COL24A1: variants seen among roughly 807,000 people sequenced by gnomAD.
The protein encoded by COL24A1 is collagen type XXIV alpha 1 chain, also known as collagen alpha-1(XXIV) chain.
In COL24A1, 224 loss-of-function variants were observed where a neutral mutation model predicts 253.9. The observed-to-expected ratio is 0.88, with a 90% CI of 0.79 to 0.99. The LOEUF (loss-of-function observed/expected upper bound fraction) is 0.99, where lower values mean the gene tolerates loss of function less well. Among genes scored for constraint, COL24A1 ranks in the 50% least tolerant of loss-of-function variants. The pLI is 0.00. For synonymous variants in COL24A1, 685 were observed against 673.7 expected, an observed-to-expected ratio of 1.02 and a Z score of -0.26; for missense variants, 2,131 against 2,068.5, an observed-to-expected ratio of 1.03 and a Z score of -0.59.
intron 19 of COL24A1, among the ~76,000 whole-genome samples, chr1:85,997,400 C>T (rs548950093): frequency 1.2e-4 from 19 of 152,196 alleles, no homozygotes; most frequent in African/African-American, 4.3e-4. Flanking sequence ...CATGTACTCT[C>T]GTCCCCATCC....
At chr1:86,085,292 T>TA (rs1295870182) in intron 7 of COL24A1, among the ~76,000 whole-genome samples, 8 of 152,170 alleles carry the variant, frequency 5.3e-5, no homozygotes, top group Non-Finnish European at 5.9e-5. Flanking sequence ...AAGATTCTTT[T>TA]AAAAAATAAT....
intron 22 of COL24A1, among the ~76,000 whole-genome samples, 156 bp from the exon 23 acceptor site, chr1:85,965,218 A>G (rs1691447107): frequency 6.6e-6 from 1 of 152,096 alleles, no homozygotes; most frequent in African/African-American, 2.4e-5. Context: ...TTTGCCATTC[A>G]TTCTACAAAT....
At chr1:86,039,435 A>G (rs1699289230) in intron 12 of COL24A1, among the ~76,000 whole-genome samples, 1 of 152,200 alleles carries the variant, frequency 6.6e-6, no homozygotes, top group African/African-American at 2.4e-5. Flanking sequence ...ATGTATATAA[A>G]ATAACTAGGA....
chr1:86,136,079 C>T (rs940519090), intron 2 of COL24A1, among the ~76,000 whole-genome samples: 24 of 152,072 alleles, frequency 1.6e-4, no homozygotes, highest in East Asian at 1.9e-4. Flanking sequence ...CTGCAGCCAG[C>T]TCTATATACA....
At chr1:86,116,917 C>T (rs1007280690) in intron 3 of COL24A1, among the ~76,000 whole-genome samples, 1 of 106,984 alleles carries the variant, frequency 9.3e-6, no homozygotes, top group Non-Finnish European at 2.0e-5. Flanking sequence ...ATATCACTAG[C>T]TTCCATCAAA....
At chr1:85,756,218 G>A (rs574377458) in intron 55 of COL24A1, among the ~76,000 whole-genome samples, 10 of 152,144 alleles carry the variant, frequency 6.6e-5, no homozygotes, top group Admixed American at 3.9e-4. Flanking sequence ...TCAGGAGTTC[G>A]AGACCAGCCT....
intron 19 of COL24A1, among the ~76,000 whole-genome samples, chr1:85,992,175 T>G (rs1694350031): frequency 6.6e-6 from 1 of 152,024 alleles, no homozygotes; most frequent in Non-Finnish European, 1.5e-5. Context: ...ATGCGGTGTT[T>G]GGTTTTTCGT....
chr1:85,885,799 A>G (rs1682427140), intron 32 of COL24A1, among the ~76,000 whole-genome samples: 1 of 152,168 alleles, frequency 6.6e-6, no homozygotes, highest in Non-Finnish European at 1.5e-5. Flanking sequence ...ATGTCTTTTC[A>G]GAAGTATTTT....
At chr1:85,745,380 TTC>T (rs1665102174) in intron 56 of COL24A1, 59 bp downstream of exon 56, 3 of 1,250,928 alleles carry the variant, frequency 2.4e-6, no homozygotes, top group African/African-American at 3.1e-5. Flanking sequence ...TCCAAAAATT[TTC>T]TCTGTTTAAT....
At chr1:86,048,249 G>T (rs896480502) in intron 11 of COL24A1, among the ~76,000 whole-genome samples, 25 of 152,036 alleles carry the variant, frequency 1.6e-4, no homozygotes, top group African/African-American at 5.8e-4. Context: ...TGCATGTAAT[G>T]TACAATATTG....
chr1:85,870,402 C>T (rs2102539087), intron 35 of COL24A1, among the ~76,000 whole-genome samples: 1 of 152,358 alleles, frequency 6.6e-6, no homozygotes, highest in Non-Finnish European at 1.5e-5. Flanking sequence ...ACATTCTTCT[C>T]AGCACCATAT....
chr1:85,827,203 G>A (rs1365067828), intron 43 of COL24A1, among the ~76,000 whole-genome samples: 20 of 152,056 alleles, frequency 1.3e-4, no homozygotes, highest in Non-Finnish European at 2.4e-4. Flanking sequence ...TTTGTCTTTG[G>A]TTCTGTTTAT....
At chr1:85,889,329 T>C (rs947552873) in intron 32 of COL24A1, among the ~76,000 whole-genome samples, 2 of 152,018 alleles carry the variant, frequency 1.3e-5, no homozygotes, top group East Asian at 1.9e-4. Flanking sequence ...TTGTTGAAAA[T>C]AGAAATATGC....
intron 2 of COL24A1, among the ~76,000 whole-genome samples, chr1:86,140,383 A>T (rs1035469194): frequency 6.6e-6 from 1 of 152,242 alleles, no homozygotes; most frequent in Admixed American, 6.5e-5. Context: ...TAAATAGCAC[A>T]TCTATTCTGT....
intron 24 of COL24A1, among the ~76,000 whole-genome samples, chr1:85,914,304 A>T (rs1003955309): frequency 7.2e-6 from 1 of 139,190 alleles, no homozygotes; most frequent in African/African-American, 2.7e-5. Flanking sequence ...TTTGTCATGA[A>T]TGTGTGTGTG....
chr1:85,997,187 G>A (rs1188377011), intron 19 of COL24A1, among the ~76,000 whole-genome samples: 1 of 151,206 alleles, frequency 6.6e-6, no homozygotes, highest in Non-Finnish European at 1.5e-5. Context: ...CCAGTACCTT[G>A]GGGTACTTTC....
At chr1:86,139,182 G>GA (rs989176160) in intron 2 of COL24A1, among the ~76,000 whole-genome samples, 2 of 150,790 alleles carry the variant, frequency 1.3e-5, no homozygotes, top group Non-Finnish European at 3.0e-5. Flanking sequence ...AGGAGAAAGG[G>GA]GGGGGAGAGG....
At chr1:85,805,851 G>A (rs1385282682) in intron 47 of COL24A1, among the ~76,000 whole-genome samples, 4 of 151,994 alleles carry the variant, frequency 2.6e-5, no homozygotes, top group South Asian at 2.1e-4. Context: ...CGAGGTGGGC[G>A]GATCACGAGG....
chr1:85,970,379 G>A (rs1692034796), intron 21 of COL24A1, 108 bp from the exon 22 acceptor site: 1 of 1,068,910 alleles, frequency 9.4e-7, no homozygotes, highest in East Asian at 2.6e-5. Context: ...ATTCTGAGAT[G>A]TGATGAAAAT....
Sources: gnomAD v4.1 joint callset for allele counts (sites outside exome capture counted in the v4.1 genomes callset) on GRCh38, gnomAD v4.1.1 for gene constraint, MANE v1.5 for transcripts, NCBI Gene and HGNC (gene_info 2026-07-23, HGNC 2026-07-21) for gene names.